XKR9: variants seen among roughly 807,000 people sequenced by gnomAD.
XKR9 encodes the protein XK related 9, also known as XK-related protein 9.
A neutral mutation model predicts 32.0 loss-of-function variants in XKR9; 32 were observed. The observed-to-expected ratio is 1.00, with a 90% CI of 0.76 to 1.34. The LOEUF (loss-of-function observed/expected upper bound fraction) is 1.34, where lower values mean the gene tolerates loss of function less well. XKR9 is among the 40% of genes most tolerant of loss of function. The pLI, the probability that XKR9 is intolerant of heterozygous loss-of-function variation, is 0.00. For missense variants in XKR9, 546 were observed against 429.7 expected, an observed-to-expected ratio of 1.27 and a Z score of -2.39; for synonymous variants, 168 against 143.4, an observed-to-expected ratio of 1.17 and a Z score of -1.22.
At position 70,734,426 on chromosome 8, in the gene XKR9, C is replaced by A; in HGVS notation, c.*2C>A. The A allele has an allele frequency of 1.3e-6, 2 of 1,540,664 alleles. No homozygotes were observed. Among genetic ancestry groups the A allele is most frequent in the Non-Finnish European group, 1.7e-6 (2 of 1,155,432 alleles). ...ATGAGATATTTCCTAATGGAATAAG[C>A]TATTCATTTATGATATATATTTTCT... On this transcript the variant is annotated 3_prime_UTR_variant, in exon 5 of 5. Coordinates refer to ENST00000408926, the MANE Select transcript of XKR9 (RefSeq NM_001011720.2).
At chr8:70,831,201 G>A in the XKR9 span, among the ~76,000 whole-genome samples, 23 of 150,334 alleles carry the variant, frequency 1.5e-4, no homozygotes, top group East Asian at 4.5e-3. Context: ...TGAGGCAGGA[G>A]AATCTCTTGA....
intron 2 of XKR9, among the ~76,000 whole-genome samples, chr8:70,749,755 C>T (rs1807111679): frequency 6.6e-6 from 1 of 151,538 alleles, no homozygotes; most frequent in African/African-American, 2.4e-5. Context: ...CAAGCAGAGG[C>T]ATGGCTGGCC....
the XKR9 span, among the ~76,000 whole-genome samples, chr8:70,880,208 C>G: frequency 6.6e-6 from 1 of 151,996 alleles, no homozygotes. Flanking sequence ...CTTTGAAAAC[C>G]GGCACAAGAC....
chr8:70,806,121 T>A, the XKR9 span, among the ~76,000 whole-genome samples: 35 of 152,234 alleles, frequency 2.3e-4, no homozygotes, highest in South Asian at 6.8e-3. Context: ...GTGAACCAGA[T>A]GAATGGGGCC....
At chr8:70,704,025 A>G (rs1805632941) in intron 3 of XKR9, among the ~76,000 whole-genome samples, 1 of 151,974 alleles carries the variant, frequency 6.6e-6, no homozygotes, top group African/African-American at 2.4e-5. Context: ...TACTAAAAAT[A>G]CAAAAAATTA....
At chr8:70,775,899 T>C (rs927083388) in intron 2 of XKR9, among the ~76,000 whole-genome samples, 1 of 151,914 alleles carries the variant, frequency 6.6e-6, no homozygotes, top group Non-Finnish European at 1.5e-5. Context: ...TGTGTGCCAC[T>C]ATGTTCGGTT....
the XKR9 span, among the ~76,000 whole-genome samples, chr8:70,796,471 T>G: frequency 6.6e-6 from 1 of 152,204 alleles, no homozygotes; most frequent in African/African-American, 2.4e-5. Context: ...TCTTTCTTTT[T>G]GTCAATCTTG....
the XKR9 span, among the ~76,000 whole-genome samples, chr8:71,013,655 A>G: frequency 6.6e-6 from 1 of 152,202 alleles, no homozygotes; most frequent in Non-Finnish European, 1.5e-5. Flanking sequence ...GTGTTGCAGA[A>G]TGTCAGCTAC....
the XKR9 span, among the ~76,000 whole-genome samples, chr8:70,855,980 C>T: frequency 5.3e-4 from 80 of 152,260 alleles, no homozygotes; most frequent in South Asian, 1.2e-3. Context: ...GAAGGAAGCA[C>T]TAAACATGGA....
intron 3 of XKR9, among the ~76,000 whole-genome samples, chr8:70,705,043 TC>T (rs1805671849): frequency 6.6e-6 from 1 of 152,182 alleles, no homozygotes; most frequent in South Asian, 2.1e-4. Flanking sequence ...AAAAATATGC[TC>T]CTTTTTGCCA....
chr8:70,866,808 T>G, the XKR9 span, among the ~76,000 whole-genome samples: 1 of 152,066 alleles, frequency 6.6e-6, no homozygotes, highest in Admixed American at 6.6e-5. Flanking sequence ...TCCAAAGAAA[T>G]AATACAAATA....
the XKR9 span, among the ~76,000 whole-genome samples, chr8:70,796,957 A>T: frequency 6.6e-6 from 1 of 152,022 alleles, no homozygotes; most frequent in Non-Finnish European, 1.5e-5. Context: ...CCTTGTGAAC[A>T]AAAAAAATTA....
In XKR9 at chr8:70,681,107, A is replaced by T; in HGVS notation, c.49A>T (p.Ile17Phe). ...TATGATGTCAGTTCTTGGCATTATA[A>T]TCTACGTAACTGATTTAATTGTGGA... ...NFMMSVLGII[I>F]YVTDLIVDIW... The change falls in exon 3 of 5, where the codon ATC becomes TTC. Residue 17 changes from isoleucine to phenylalanine, a missense_variant. Physicochemically the swap from Ile to Phe is conservative, Grantham distance 21 (BLOSUM62 0). Transcript: ENST00000408926. 6.2e-7 allele frequency: 1 copy of T among 1,613,336 alleles called. No homozygotes were observed. The highest frequency in any genetic ancestry group is 8.5e-7 in the Non-Finnish European group (1 of 1,179,486).
chr8:71,001,363 G>A, the XKR9 span, among the ~76,000 whole-genome samples: 5 of 152,118 alleles, frequency 3.3e-5, no homozygotes, highest in Admixed American at 2.0e-4. Context: ...CCGGGTTCAG[G>A]TGATTCTCCC....
At chr8:71,051,049 A>T in the XKR9 span, among the ~76,000 whole-genome samples, 215 of 69,634 alleles carry the variant, frequency 3.1e-3, no homozygotes, top group South Asian at 4.5e-3. Flanking sequence ...AGTGGGGAAT[A>T]AAAAAAAAAA....
rs760466491 is a variant in XKR9 at position 70,706,918 on chromosome 8, A to G, written c.273-15A>G. ...AATATAAAACTAAAGAGAAATGTTTATGTTTACTTTATAGGTATTGGTTTG... is the reference window on the plus strand; with the variant it reads ...AATATAAAACTAAAGAGAAATGTTTGTGTTTACTTTATAGGTATTGGTTTG... On this transcript the variant is annotated splice_polypyrimidine_tract_variant and intron_variant, in intron 3 of 4. Coordinates refer to ENST00000408926, the MANE Select transcript of XKR9 (RefSeq NM_001011720.2). 1.3e-6 allele frequency: 2 copies of G among 1,578,290 alleles called. No individual in the cohort carries two copies. Among genetic ancestry groups the G allele is most frequent in the South Asian group, 1.1e-5 (1 of 88,586 alleles).
At chr8:70,698,937 TA>T (rs1463587415) in intron 3 of XKR9, among the ~76,000 whole-genome samples, 2 of 152,206 alleles carry the variant, frequency 1.3e-5, no homozygotes, top group Non-Finnish European at 1.5e-5. Context: ...TACCATTAAG[TA>T]ATGGCCTTCT....
chr8:70,901,121 G>A, the XKR9 span, among the ~76,000 whole-genome samples: 2 of 152,096 alleles, frequency 1.3e-5, no homozygotes, highest in African/African-American at 4.8e-5. Context: ...ATAAACATAC[G>A]TGTGCATGTG....
At chr8:71,060,265 C>CT in the XKR9 span, among the ~76,000 whole-genome samples, 4 of 152,186 alleles carry the variant, frequency 2.6e-5, no homozygotes, top group Non-Finnish European at 4.4e-5. Context: ...AATCTGGGCC[C>CT]TGTGGCCTAT....
Sources: gnomAD v4.1 joint callset for allele counts (sites outside exome capture counted in the v4.1 genomes callset) on GRCh38, gnomAD v4.1.1 for gene constraint, MANE v1.5 for transcripts, NCBI Gene and HGNC (gene_info 2026-07-23, HGNC 2026-07-21) for gene names.